POLR1D: variants seen among roughly 807,000 people sequenced by gnomAD.
POLR1D encodes the protein RNA polymerase I and III subunit D.
Under a neutral mutation model 10.8 loss-of-function variants are expected in POLR1D, and 8 were observed. The observed-to-expected ratio is 0.74, with a 90% confidence interval of 0.43 to 1.33. POLR1D has a LOEUF of 1.33. POLR1D is among the 40% of genes most tolerant of loss of function. POLR1D has a pLI of 0.01. For synonymous variants in POLR1D, 54 were observed against 57.2 expected (o/e 0.94, Z 0.25); for missense variants, 152 against 161.7 (o/e 0.94, Z 0.32).
intron 2 of POLR1D, among the ~76,000 whole-genome samples, chr13:27,649,569 G>T (rs1187661509): frequency 6.6e-6 from 1 of 151,966 alleles, no homozygotes; most frequent in East Asian, 1.9e-4. Flanking sequence ...TAAATACCAA[G>T]ATTTAACATG....
chr13:27,639,054 A>G (rs1468964844), intron 1 of POLR1D, among the ~76,000 whole-genome samples: 1 of 151,862 alleles, frequency 6.6e-6, no homozygotes, highest in Non-Finnish European at 1.5e-5. Flanking sequence ...GTCTTCTGCC[A>G]TTTTTCCTAT....
At chr13:27,654,181 A>G (rs2053658429) in intron 2 of POLR1D, among the ~76,000 whole-genome samples, 1 of 152,240 alleles carries the variant, frequency 6.6e-6, no homozygotes, top group African/African-American at 2.4e-5. Context: ...TTTGCAAGTA[A>G]CTTCAAGTAG....
intron 1 of POLR1D, among the ~76,000 whole-genome samples, chr13:27,637,750 A>C (rs1237016173): frequency 6.6e-6 from 1 of 152,116 alleles, no homozygotes; most frequent in Non-Finnish European, 1.5e-5. Context: ...TTGACGGTGT[A>C]GGGTTTAAAG....
Position 27,653,572 on chromosome 13 carries a change from GGTTCTC to G in POLR1D, c.101+5120_101+5125del, listed in dbSNP as rs1250153789. Among the ~76,000 whole-genome samples the G allele has an allele frequency of 6.6e-5, 10 of 152,186 alleles. 1 individual carries two copies. The South Asian group carries it at 2.1e-3, about 32-fold the overall frequency. ...GTTATCTCAATTGTCTTGGAACAGT[GGTTCTC>G]AAACATCTTAGGATACTTGCACTCT... On this transcript the variant is annotated intron_variant, in intron 2 of 2. Coordinates refer to the POLR1D transcript ENST00000399697.
rs201566325 is a variant in POLR1D, at chr13:27,629,900, C to CTTTA, written c.26+7915_26+7918dup. ...GATTGTAAAAACTGCATTAAAAAGA[C>CTTTA]TTTATTTATTTATTTATTTATTTAT... On this transcript the variant is annotated intron_variant, in intron 1 of 2. Coordinates refer to the POLR1D transcript ENST00000399697. Among the ~76,000 whole-genome samples, 717 of 151,976 alleles carry CTTTA rather than the reference C, an allele frequency of 4.7e-3. 3 individuals are homozygous for CTTTA. Among genetic ancestry groups the CTTTA allele is most frequent in the South Asian group, 0.011 (53 of 4,800 alleles).
chr13:27,650,852 C>G (rs1956263168), intron 2 of POLR1D: 1 of 152,064 alleles, frequency 6.6e-6, no homozygotes, highest in African/African-American at 2.4e-5. Context: ...CCTGGTAGTC[C>G]CTTTTATAGG....
downstream of POLR1D, among the ~76,000 whole-genome samples, chr13:27,628,386 A>G (rs1034098182): frequency 3.9e-5 from 6 of 152,268 alleles, no homozygotes; most frequent in African/African-American, 1.4e-4. Context: ...TGGCAGAGTT[A>G]GACAATAAAG....
At chr13:27,636,130 G>C (rs756797929) in intron 1 of POLR1D, among the ~76,000 whole-genome samples, 1 of 152,212 alleles carries the variant, frequency 6.6e-6, no homozygotes, top group Non-Finnish European at 1.5e-5. Flanking sequence ...CATTGGGATA[G>C]TGTTAGTGTT....
chr13:27,659,925 T>C lies in POLR1D; in HGVS notation c.102-5761T>C, dbSNP rs117274555. Among the ~76,000 whole-genome samples the C allele has an allele frequency of 5.4e-4, 81 of 149,470 alleles. No homozygotes were observed. In the Middle Eastern group the frequency reaches 0.01, roughly 19 times the overall value. On this transcript the variant is annotated intron_variant, in intron 2 of 2. Transcript: ENST00000399697. Reference sequence around the variant, plus strand: ...TCAGGTGTATATATATATATATATATACACACACATACACACACACACATA... The same window carrying C: ...TCAGGTGTATATATATATATATATACACACACACATACACACACACACATA...
chr13:27,661,960 G>A (rs1956368764), intron 2 of POLR1D, among the ~76,000 whole-genome samples: 1 of 152,190 alleles, frequency 6.6e-6, no homozygotes, highest in African/African-American at 2.4e-5. Flanking sequence ...AGATAGCCGG[G>A]AATCTGAAAC....
exon 3 of POLR1D, chr13:27,665,733 C>T (rs1303823690): frequency 6.2e-7 from 1 of 1,612,912 alleles, no homozygotes; most frequent in African/African-American, 1.3e-5. Flanking sequence ...CTAATTAACA[C>T]AATTAAAAAC....
chr13:27,629,747 AATC>A (rs1296686271), intron 1 of POLR1D, among the ~76,000 whole-genome samples: 75 of 152,292 alleles, frequency 4.9e-4, no homozygotes, highest in South Asian at 6.2e-4. Flanking sequence ...GAACATTCGT[AATC>A]ATCCTTAAGC....
At chr13:27,638,543 ATTC>A (rs947411726) in intron 1 of POLR1D, among the ~76,000 whole-genome samples, 12 of 151,904 alleles carry the variant, frequency 7.9e-5, no homozygotes, top group South Asian at 2.1e-4. Context: ...TTTTTTCCCT[ATTC>A]TTTGGCTTTT....
chr13:27,662,236 AAGAG>A (rs1173366229), intron 2 of POLR1D, among the ~76,000 whole-genome samples: 1 of 152,140 alleles, frequency 6.6e-6, no homozygotes, highest in Non-Finnish European at 1.5e-5. Flanking sequence ...CTTTCTCATG[AAGAG>A]AGAGTAAAAT....
chr13:27,627,726 A>ATTTT (rs1956028467), downstream of POLR1D, among the ~76,000 whole-genome samples: 9 of 101,896 alleles, frequency 8.8e-5, no homozygotes, highest in Non-Finnish European at 1.5e-4. Context: ...GTAAAGTTTT[A>ATTTT]GTTTTTTTTT....
chr13:27,621,967 C>T lies in POLR1D; in HGVS notation c.-17C>T. 6.3e-7 allele frequency: 1 copy of T among 1,591,488 alleles called. No individual in the cohort carries two copies. Among genetic ancestry groups the T allele is most frequent in the East Asian group, 2.3e-5 (1 of 44,072 alleles). On this transcript the variant is annotated 5_prime_UTR_variant, in exon 1 of 2. Coordinates refer to ENST00000302979, the MANE Select transcript of POLR1D (RefSeq NM_015972.4). ...GATCCGCCAGCACCACCTGAGGATC[C>T]AGAAACCGCCCCAGCGATGGAAGAG...
At chr13:27,653,118 G>A (rs2138562284) in intron 2 of POLR1D, among the ~76,000 whole-genome samples, 1 of 150,942 alleles carries the variant, frequency 6.6e-6, no homozygotes, top group South Asian at 2.1e-4. Flanking sequence ...GGCCAGGCTG[G>A]TCTGGAACTC....
At chr13:27,626,417 C>CT (rs1163691533), downstream of POLR1D, among the ~76,000 whole-genome samples, 10 of 152,158 alleles carry the variant, frequency 6.6e-5, no homozygotes, top group Non-Finnish European at 1.2e-4. Context: ...TGACCATAAA[C>CT]TCACGGGTTC....
intron 1 of POLR1D, chr13:27,622,354 A>G: frequency 2.3e-6 from 1 of 428,892 alleles, no homozygotes; most frequent in East Asian, 4.4e-5. Flanking sequence ...CTATGTGCAG[A>G]CTGCTCCTAA....
Sources: allele counts gnomAD v4.1 joint callset (sites outside exome capture counted in the v4.1 genomes callset), GRCh38; gene constraint gnomAD v4.1.1; transcripts MANE v1.5; gene names NCBI Gene and HGNC (gene_info 2026-07-23, HGNC 2026-07-21).